The following RBM26 variants were observed in gnomAD, a reference collection of about 807,000 sequenced individuals.
RBM26 encodes RNA-binding protein 26.
A neutral mutation model predicts 123.6 loss-of-function variants in RBM26; 30 were observed. The ratio of observed to expected loss-of-function variants is 0.24; its 90% CI spans 0.18 to 0.33. RBM26 has a LOEUF of 0.33. RBM26 is among the 10% of genes least tolerant of loss of function. The pLI, the probability that RBM26 is intolerant of heterozygous loss-of-function variation, is 1.00. For missense variants in RBM26, 947 were observed against 1,203.6 expected, an observed-to-expected ratio of 0.79 and a Z score of 3.15; for synonymous variants, 400 against 404.4, an observed-to-expected ratio of 0.99 and a Z score of 0.13.
chr13:79,391,494 C>T (rs2077983643), intron 1 of RBM26, among the ~76,000 whole-genome samples: 1 of 152,042 alleles, frequency 6.6e-6, no homozygotes, highest in Non-Finnish European at 1.5e-5. Flanking sequence ...CGCCATCTAG[C>T]GTCACTGCAA....
chr13:79,354,172 A>T (rs1462311804), intron 13 of RBM26, among the ~76,000 whole-genome samples: 1 of 152,132 alleles, frequency 6.6e-6, no homozygotes, highest in Non-Finnish European at 1.5e-5. Flanking sequence ...TCTCCTCCAC[A>T]AAGTGAGAGA....
At chr13:79,358,762 A>T (rs1458917410) in intron 10 of RBM26, among the ~76,000 whole-genome samples, 1 of 152,156 alleles carries the variant, frequency 6.6e-6, no homozygotes, top group Non-Finnish European at 1.5e-5. Context: ...CTTTATTCTG[A>T]TTCTGTAAAA....
chr13:79,356,245 T>C (rs886741551), intron 11 of RBM26, among the ~76,000 whole-genome samples: 1 of 151,962 alleles, frequency 6.6e-6, no homozygotes, highest in East Asian at 1.9e-4. Flanking sequence ...GGCACACAAC[T>C]GTGGTCCCAG....
rs148317097 is a variant in RBM26 at position 79,377,508 on chromosome 13, C to G, written c.198G>C (p.Gln66His). 615 of 1,608,446 alleles carry G rather than the reference C, an allele frequency of 3.8e-4. 4 individuals are homozygous for G. Among genetic ancestry groups the G allele is most frequent in the Non-Finnish European group, 1.3e-4 (157 of 1,175,936 alleles). ...CATCAAAAAGTTTTTCCACAAATATCTGTGTCTCTAAAAATAAAACCAAAC... is the reference window on the plus strand; with the variant it reads ...CATCAAAAAGTTTTTCCACAAATATGTGTGTCTCTAAAAATAAAACCAAAC... ...QLDVFLQKET[Q>H]IFVEKLFDAV... The change falls in exon 3 of 22, where the codon CAG (glutamine) becomes CAC (histidine). Residue 66 changes from glutamine (Q) to histidine (H), a missense_variant. Gln to His is a conservative substitution (Grantham distance 24). Transcript: ENST00000438737.
At chr13:79,361,992 C>T (rs1335768693) in intron 9 of RBM26, among the ~76,000 whole-genome samples, 2 of 152,094 alleles carry the variant, frequency 1.3e-5, no homozygotes, top group Admixed American at 1.3e-4. Context: ...TCTCCCTTTA[C>T]CTCCCACTGG....
At chr13:79,315,627 G>A (rs2067074323), downstream of RBM26, among the ~76,000 whole-genome samples, 2 of 151,754 alleles carry the variant, frequency 1.3e-5, no homozygotes, top group South Asian at 4.1e-4. Flanking sequence ...GATTTAGGAA[G>A]TAGCAAGTAT....
In RBM26 at chr13:79,365,433, ACT is replaced by A; in HGVS notation, c.1417+143_1417+144del. Reference sequence around the variant, plus strand: ...ACTCCAGCCTAGGCCACAGAGTGAGACTCTGTCTCCAAAAATAAAATGAAATA... The same window carrying A: ...ACTCCAGCCTAGGCCACAGAGTGAGACTGTCTCCAAAAATAAAATGAAATA... On this transcript the variant is annotated intron_variant, in intron 9 of 21. Transcript: ENST00000438737. 13 of 671,306 alleles carry A rather than the reference ACT, an allele frequency of 1.9e-5. No homozygotes were observed. The South Asian group carries it at 2.7e-4, about 14-fold the overall frequency. The allele number at this position is 671,306 out of a possible 1,614,324, so 41.6% of individuals were successfully genotyped here.
At chr13:79,402,588 C>T (rs2079143899) in intron 1 of RBM26, among the ~76,000 whole-genome samples, 1 of 152,060 alleles carries the variant, frequency 6.6e-6, no homozygotes, top group African/African-American at 2.4e-5. Flanking sequence ...CTTTCCACTG[C>T]CATTCTTCTC....
chr13:79,367,349 C>T lies in RBM26; in HGVS notation c.896-477G>A, dbSNP rs2075361930. ...TAGAACCCGGGAGGCAGTGGTTGCA[C>T]TGAGCAGAGACTGTGTCATTGCACT... On this transcript the variant is annotated intron_variant, in intron 6 of 21. Transcript: ENST00000438737. Among the ~76,000 whole-genome samples the T allele has an allele frequency of 2.2e-5, 3 of 136,384 alleles. No homozygotes were observed. The South Asian group carries it at 7.1e-4, about 32-fold the overall frequency. The allele number at this position is 136,384 out of a possible 152,430, so 89.5% of individuals were successfully genotyped here. A position where few individuals can be genotyped will look rare whatever the true frequency, so the allele number is the denominator to read the frequency against.
intron 21 of RBM26, 103 bp downstream of exon 21, chr13:79,322,246 A>C: frequency 1.5e-6 from 1 of 677,818 alleles, no homozygotes; most frequent in Non-Finnish European, 2.4e-6. Context: ...ACTATGGGTC[A>C]GGAATAAAAG....
chr13:79,311,952 C>G (rs1425152224), exon 5 of RBM26: 1 of 151,894 alleles, frequency 6.6e-6, no homozygotes, highest in South Asian at 2.1e-4. Context: ...AAACATTTAA[C>G]ACTATAAACA....
At chr13:79,387,149 C>T (rs1343971178) in intron 1 of RBM26, among the ~76,000 whole-genome samples, 1 of 152,070 alleles carries the variant, frequency 6.6e-6, no homozygotes, top group Non-Finnish European at 1.5e-5. Flanking sequence ...ACTAAGCAAA[C>T]TAAGCTTCAG....
chr13:79,319,349 T>C lies in RBM26; in HGVS notation c.*1272A>G, dbSNP rs1431143309. On this transcript the variant is annotated 3_prime_UTR_variant, in exon 22 of 22. Coordinates refer to ENST00000438737, the MANE Select transcript of RBM26 (RefSeq NM_001366735.2). ...TGATGAATTTGAAAATATAAATATG[T>C]AATCTCCCACCCCCATTCTACAAAG... The C allele has an allele frequency of 3.1e-6, 3 of 983,068 alleles. No individual in the cohort carries two copies. The African/African-American group carries it at 5.3e-5, about 17-fold the overall frequency. The allele number at this position is 983,068 out of a possible 1,614,324, so 60.9% of individuals were successfully genotyped here. A position where few individuals can be genotyped will look rare whatever the true frequency, so the allele number is the denominator to read the frequency against.
rs747343332 is a variant in RBM26, at chr13:79,369,104, CATA to C, written c.635-117_635-115del. ...CATAGAAAAAAAATTTTAAATTTTGCATAATAATCATTTTCTTTTAAAAAATAT... is the reference window on the plus strand; with the variant it reads ...CATAGAAAAAAAATTTTAAATTTTGCATAATCATTTTCTTTTAAAAAATAT... On this transcript the variant is annotated intron_variant, in intron 5 of 21. Transcript: ENST00000438737. The C allele has an allele frequency of 6.7e-5, 39 of 582,640 alleles. No individual in the cohort carries two copies. In the East Asian group the frequency reaches 7.6e-4, roughly 11 times the overall value. 36.1% of individuals were successfully genotyped at this position (582,640 alleles called of 1,614,324 possible).
At chr13:79,330,927 C>A (rs983159854) in intron 20 of RBM26, among the ~76,000 whole-genome samples, 1 of 152,100 alleles carries the variant, frequency 6.6e-6, no homozygotes, top group Non-Finnish European at 1.5e-5. Flanking sequence ...TCAGTAAAAA[C>A]ACACACACAT....
chr13:79,324,342 T>C (rs2068070975), intron 20 of RBM26, among the ~76,000 whole-genome samples: 1 of 151,874 alleles, frequency 6.6e-6, no homozygotes, highest in Admixed American at 6.6e-5. Context: ...GTCACTTTTC[T>C]TGAATGGCCA....
At chr13:79,318,012 G>A (rs746222906), downstream of RBM26, among the ~76,000 whole-genome samples, 2 of 151,526 alleles carry the variant, frequency 1.3e-5, no homozygotes, top group Non-Finnish European at 3.0e-5. Context: ...AGAGGAGCTT[G>A]TAATCTAGTG....
intron 14 of RBM26, among the ~76,000 whole-genome samples, chr13:79,345,920 TG>T (rs1307381792): frequency 6.6e-6 from 1 of 152,180 alleles, no homozygotes; most frequent in Non-Finnish European, 1.5e-5. Flanking sequence ...ACGGGGTGAC[TG>T]GTTACTGGTT....
At chr13:79,389,711 T>C (rs370373948) in intron 1 of RBM26, 1 of 152,162 alleles carries the variant, frequency 6.6e-6, no homozygotes, top group Non-Finnish European at 1.5e-5. Flanking sequence ...AGTTCAAGGA[T>C]GGGAAACGTA....
Sources: gnomAD v4.1 joint callset for allele counts (sites outside exome capture counted in the v4.1 genomes callset) on GRCh38, gnomAD v4.1.1 for gene constraint, MANE v1.5 for transcripts, NCBI Gene and HGNC (gene_info 2026-07-23, HGNC 2026-07-21) for gene names.